Variants in MSH3 observed in about 807,000 individuals in gnomAD.
The protein encoded by MSH3 is DNA mismatch repair protein Msh3.
In MSH3, 106 loss-of-function variants were observed where a neutral mutation model predicts 123.3. The observed-to-expected ratio is 0.86, with a 90% CI of 0.73 to 1.01. The LOEUF (loss-of-function observed/expected upper bound fraction) is 1.01. Ranked by LOEUF, MSH3 falls within the 50% of genes least tolerant of loss-of-function variation. MSH3 has a pLI of 0.00. For synonymous variants in MSH3, 515 were observed against 481.4 expected, an observed-to-expected ratio of 1.07 and a Z score of -0.91; for missense variants, 1,459 against 1,347.6, an observed-to-expected ratio of 1.08 and a Z score of -1.29.
chr5:80,783,051 TATATC>T (rs1445712044), intron 17 of MSH3, among the ~76,000 whole-genome samples: 1 of 152,242 alleles, frequency 6.6e-6, no homozygotes, highest in Non-Finnish European at 1.5e-5. Flanking sequence ...AAAATTGAAT[TATATC>T]ATAAAAAATT....
intron 20 of MSH3, among the ~76,000 whole-genome samples, chr5:80,831,270 C>A (rs1487033844): frequency 2.0e-5 from 3 of 152,092 alleles, no homozygotes; most frequent in Non-Finnish European, 2.9e-5. Flanking sequence ...TTAAAAATAA[C>A]ATTTGTTTTT....
chr5:80,679,982 C>T (rs1749935757), intron 8 of MSH3, among the ~76,000 whole-genome samples: 1 of 152,012 alleles, frequency 6.6e-6, no homozygotes. Flanking sequence ...AAAATCGAGG[C>T]CAGGCACGGT....
chr5:80,655,352 A>G, intron 1 of MSH3: 1 of 238,052 alleles, frequency 4.2e-6, no homozygotes, highest in East Asian at 6.1e-5. Flanking sequence ...TTGGGTGACT[A>G]GAAGAAAGCT....
Position 80,768,241 on chromosome 5 carries a change from A to G in MSH3, c.2084+121A>G, listed in dbSNP as rs1192527996. ...TAATAGAAGTTGCATGAGTACATAT[A>G]TAATTAGAAATGTGATTGGACCCTA... On this transcript the variant is annotated intron_variant, in intron 14 of 23. Transcript: ENST00000265081. 18 of 922,986 alleles carry G rather than the reference A, an allele frequency of 2.0e-5. No individual in the cohort carries two copies. In the East Asian group the frequency reaches 2.8e-4, roughly 14 times the overall value. The allele number at this position is 922,986 out of a possible 1,614,324, so 57.2% of individuals were successfully genotyped here.
Position 80,654,836 on chromosome 5 carries a change from A to T in MSH3, c.109A>T (p.Thr37Ser). The T allele has an allele frequency of 6.2e-7, 1 of 1,602,364 alleles. No homozygotes were observed. The highest frequency in any genetic ancestry group is 1.1e-5 in the South Asian group (1 of 90,418). Reference protein sequence around the residue: ...FFQSTGSLKSTSSSTGAADQV... With the variant: ...FFQSTGSLKSSSSSTGAADQV... ...CCAGTCTACGGGAAGCCTGAAATCC[A>T]CCTCCTCCTCCACAGGTGCAGCCGA... The change falls in exon 1 of 24, where the codon ACC becomes TCC. Residue 37 changes from threonine (T) to serine (S), a missense_variant. Transcript: ENST00000265081.
intron 20 of MSH3, among the ~76,000 whole-genome samples, chr5:80,840,734 A>G (rs1745606672): frequency 6.6e-6 from 1 of 151,516 alleles, no homozygotes; most frequent in African/African-American, 2.4e-5. Flanking sequence ...ACCTAATACT[A>G]TCCCTCCCCC....
At chr5:80,679,123 C>T (rs779033951) in intron 8 of MSH3, 30 bp downstream of exon 8, 3 of 1,608,442 alleles carry the variant, frequency 1.9e-6, no homozygotes, top group South Asian at 1.1e-5. Context: ...GAATATAATA[C>T]CGATTCTGAA....
chr5:80,838,516 A>G (rs943100447), intron 20 of MSH3, among the ~76,000 whole-genome samples: 2 of 152,214 alleles, frequency 1.3e-5, no homozygotes, highest in Non-Finnish European at 1.5e-5. Context: ...ATCACATTTG[A>G]GTCTCAGCTA....
intron 8 of MSH3, among the ~76,000 whole-genome samples, chr5:80,721,646 C>A (rs1003945426): frequency 2.0e-5 from 3 of 152,116 alleles, no homozygotes; most frequent in Non-Finnish European, 2.9e-5. Context: ...TCTTGAGATG[C>A]AGTTATAGTG....
chr5:80,791,072 G>T (rs1744598485), intron 18 of MSH3, among the ~76,000 whole-genome samples: 1 of 152,158 alleles, frequency 6.6e-6, no homozygotes, highest in African/African-American at 2.4e-5. Flanking sequence ...CAAGAACCTG[G>T]ACTGTCCTGT....
chr5:80,704,232 A>G (rs1206379251), intron 8 of MSH3, among the ~76,000 whole-genome samples: 1 of 152,158 alleles, frequency 6.6e-6, no homozygotes, highest in Non-Finnish European at 1.5e-5. Flanking sequence ...CCCAGGTCCT[A>G]CAAGGTCCTC....
At chr5:80,682,756 A>G (rs1036916077) in intron 8 of MSH3, among the ~76,000 whole-genome samples, 4 of 152,314 alleles carry the variant, frequency 2.6e-5, no homozygotes, top group South Asian at 4.1e-4. Flanking sequence ...AGTTATTTTA[A>G]AATGTACAAT....
Position 80,769,408 on chromosome 5 carries a change from C to T in MSH3, c.2253+405C>T, listed in dbSNP as rs570498954. Among the ~76,000 whole-genome samples, 237 of 151,940 alleles carry T rather than the reference C, an allele frequency of 1.6e-3. 1 individual carries two copies. The highest frequency in any genetic ancestry group is 5.5e-3 in the African/African-American group (229 of 41,490). ...ATACAGTGATTAAACGGTGGGGCTT[C>T]CTCCTAAAGTTAAGAGTATAGCTGC... On this transcript the variant is annotated intron_variant, in intron 15 of 23. Transcript: ENST00000265081.
chr5:80,815,040 T>C (rs564653461), intron 20 of MSH3, among the ~76,000 whole-genome samples: 1 of 152,346 alleles, frequency 6.6e-6, no homozygotes, highest in South Asian at 2.1e-4. Flanking sequence ...TGAGTTGTTG[T>C]CCAGCTACGT....
chr5:80,813,065 G>A (rs191591840), intron 19 of MSH3, among the ~76,000 whole-genome samples: 5 of 152,296 alleles, frequency 3.3e-5, no homozygotes, highest in South Asian at 2.1e-4. Flanking sequence ...ATTCTGCCTC[G>A]TTCACATGCT....
chr5:80,762,657 T>C lies in MSH3; in HGVS notation c.1896+979T>C, dbSNP rs1468260135. Among the ~76,000 whole-genome samples, 10 of 151,806 alleles carry C rather than the reference T, an allele frequency of 6.6e-5. No individual in the cohort carries two copies. The East Asian group carries it at 1.9e-3, about 29-fold the overall frequency. On this transcript the variant is annotated intron_variant, in intron 13 of 23. Transcript: ENST00000265081. ...TGGTTGCCACTTTTCATAAGCAAAT[T>C]TTATTTTTCCTCCAAATGTAACTCC...
chr5:80,654,913 G>C lies in MSH3; in HGVS notation c.186G>C (p.Ala62=). The C allele has an allele frequency of 6.7e-7, 1 of 1,499,596 alleles. No individual in the cohort carries two copies. The highest frequency in any genetic ancestry group is 1.8e-5 in the African/African-American group (1 of 56,386). The allele number at this position is 1,499,596 out of a possible 1,614,324, so 92.9% of individuals were successfully genotyped here. The change falls in exon 1 of 24, where the codon GCG becomes GCC. Residue 62 remains alanine, a synonymous_variant. Coordinates refer to ENST00000265081, the MANE Select transcript of MSH3 (RefSeq NM_002439.5). ...CTGCAGCGGCCGCAGCGGCCGCAGC[G>C]CCCCCAGCGCCCCCAGCTCCCGCCT... is the stretch of plus-strand genomic sequence containing the variant. ...AAAAAAAAAA[A]PPAPPAPAFP...
chr5:80,754,797 T>G (rs1743895862), intron 12 of MSH3, among the ~76,000 whole-genome samples: 1 of 152,216 alleles, frequency 6.6e-6, no homozygotes, highest in South Asian at 2.1e-4. Flanking sequence ...GGCTTTTGTT[T>G]TGGTAAACCC....
chr5:80,851,954 A>G (rs1485152478), intron 20 of MSH3, among the ~76,000 whole-genome samples: 3 of 152,192 alleles, frequency 2.0e-5, no homozygotes, highest in African/African-American at 7.2e-5. Flanking sequence ...ACAATTCTTG[A>G]CATTTCTAAC....
Sources: allele counts gnomAD v4.1 joint callset (sites outside exome capture counted in the v4.1 genomes callset), GRCh38; gene constraint gnomAD v4.1.1; transcripts MANE v1.5; gene names NCBI Gene and HGNC (gene_info 2026-07-23, HGNC 2026-07-21).